Variants in GNG7 observed in about 807,000 individuals in gnomAD.
GNG7 encodes guanine nucleotide-binding protein G(I)/G(S)/G(O) subunit gamma-7.
GNG7 carries 1 observed loss-of-function variant against 4.0 expected under a neutral mutation model. That is an observed-to-expected ratio of 0.25 (90% CI 0.09 to 1.18). The LOEUF (loss-of-function observed/expected upper bound fraction) is 1.18. GNG7 is among the 50% of genes most tolerant of loss of function. GNG7 has a pLI of 0.50. For synonymous variants in GNG7, 34 were observed against 36.9 expected, an observed-to-expected ratio of 0.92 and a Z score of 0.29; for missense variants, 86 against 91.9, an observed-to-expected ratio of 0.94 and a Z score of 0.26.
intron 1 of GNG7, among the ~76,000 whole-genome samples, chr19:2,655,188 CAA>C (rs57555514): frequency 5.0e-5 from 3 of 59,932 alleles, no homozygotes; most frequent in Non-Finnish European, 7.6e-5. Context: ...GACTCTGTCT[CAA>C]AAAAAAAAAA....
chr19:2,524,141 C>T (rs1424208740), intron 3 of GNG7, among the ~76,000 whole-genome samples: 1 of 152,246 alleles, frequency 6.6e-6, no homozygotes, highest in Non-Finnish European at 1.5e-5. Flanking sequence ...ATTTAGCATC[C>T]ACAGTCAGGA....
chr19:2,523,808 C>T (rs1010383135), intron 3 of GNG7, among the ~76,000 whole-genome samples: 1 of 152,104 alleles, frequency 6.6e-6, no homozygotes, highest in African/African-American at 2.4e-5. Flanking sequence ...GACTCCACGG[C>T]GATCTCAATA....
intron 3 of GNG7, among the ~76,000 whole-genome samples, chr19:2,524,981 C>A (rs1978346541): frequency 6.6e-6 from 1 of 151,664 alleles, no homozygotes; most frequent in Non-Finnish European, 1.5e-5. Flanking sequence ...GATTGCATCA[C>A]CCATGCAGTC....
chr19:2,593,565 G>A (rs1328767433), intron 2 of GNG7, among the ~76,000 whole-genome samples: 3 of 151,856 alleles, frequency 2.0e-5, no homozygotes, highest in Non-Finnish European at 4.4e-5. Context: ...GCAACAAGGC[G>A]AAACCTCGTC....
At position 2,541,266 on chromosome 19, in the gene GNG7, T is replaced by C. The variant is rs903996779; in HGVS notation, c.-38+13883A>G. Among the ~76,000 whole-genome samples, 5 of 149,934 alleles carry C rather than the reference T, an allele frequency of 3.3e-5. No individual in the cohort carries two copies. The East Asian group carries it at 5.9e-4, about 18-fold the overall frequency. On this transcript the variant is annotated intron_variant, in intron 3 of 4. Transcript: ENST00000382159. The stretch of plus-strand genomic sequence containing the variant: ...CAGGAGAATTGCTTGAGGCCAGGAG[T>C]TCAAAGCCAGCCTGGGGCAACACAG...
chr19:2,670,948 G>A (rs1307455914), intron 1 of GNG7, among the ~76,000 whole-genome samples: 2 of 152,164 alleles, frequency 1.3e-5, no homozygotes. Flanking sequence ...TCCCCACCCT[G>A]AGTGGGGAGG....
intron 3 of GNG7, among the ~76,000 whole-genome samples, chr19:2,524,919 C>A (rs1363048118): frequency 6.6e-6 from 1 of 152,076 alleles, no homozygotes; most frequent in Non-Finnish European, 1.5e-5. Flanking sequence ...CGTGTGTGTG[C>A]GCACGGGAGT....
chr19:2,670,740 C>T (rs972145346), intron 1 of GNG7, among the ~76,000 whole-genome samples: 2 of 152,042 alleles, frequency 1.3e-5, no homozygotes, highest in African/African-American at 4.8e-5. Flanking sequence ...CACTCCATGC[C>T]AGGAGCCCTC....
intron 1 of GNG7, among the ~76,000 whole-genome samples, chr19:2,649,905 C>T (rs1021614445): frequency 8.6e-5 from 13 of 151,624 alleles, no homozygotes; most frequent in African/African-American, 3.1e-4. Flanking sequence ...CCCTCCCTGA[C>T]TCTGCGGATG....
At chr19:2,535,529 T>C (rs2144741109) in intron 3 of GNG7, among the ~76,000 whole-genome samples, 1 of 151,470 alleles carries the variant, frequency 6.6e-6, no homozygotes, top group East Asian at 1.9e-4. Flanking sequence ...TGAATTGTTG[T>C]CCCCAGAACC....
chr19:2,549,202 A>C (rs1979233140), intron 3 of GNG7, among the ~76,000 whole-genome samples: 1 of 152,160 alleles, frequency 6.6e-6, no homozygotes, highest in African/African-American at 2.4e-5. Context: ...AACGGCAAGA[A>C]GGCAAGTCCA....
intron 2 of GNG7, among the ~76,000 whole-genome samples, chr19:2,628,786 C>G (rs1269037463): frequency 1.3e-5 from 2 of 152,118 alleles, no homozygotes; most frequent in African/African-American, 4.8e-5. Flanking sequence ...CTGATGAGGT[C>G]AGGCCCACCC....
chr19:2,603,934 T>C (rs1421211866), intron 2 of GNG7, among the ~76,000 whole-genome samples: 1 of 151,930 alleles, frequency 6.6e-6, no homozygotes, highest in Non-Finnish European at 1.5e-5. Context: ...CACTGCAAGC[T>C]CTGCCTCCTG....
At chr19:2,573,846 AC>A (rs768391732) in intron 2 of GNG7, among the ~76,000 whole-genome samples, 5 of 152,132 alleles carry the variant, frequency 3.3e-5, no homozygotes, top group Non-Finnish European at 7.4e-5. Flanking sequence ...CCATCTTAAA[AC>A]AAAAACAAAC....
chr19:2,535,084 A>G (rs563904185), intron 3 of GNG7, among the ~76,000 whole-genome samples: 5 of 152,286 alleles, frequency 3.3e-5, no homozygotes, highest in Admixed American at 3.3e-4. Flanking sequence ...TCTTGGAGCC[A>G]GTCATTCAGC....
intron 3 of GNG7, among the ~76,000 whole-genome samples, chr19:2,544,707 T>TG (rs919754106): frequency 6.1e-4 from 92 of 152,006 alleles, no homozygotes; most frequent in African/African-American, 2.0e-3. Context: ...GGCTCTTAAT[T>TG]GGGGGGGTGG....
chr19:2,678,292 T>C (rs1383489944), intron 1 of GNG7, among the ~76,000 whole-genome samples: 1 of 151,980 alleles, frequency 6.6e-6, no homozygotes, highest in Admixed American at 6.6e-5. Context: ...ATACAAGAAG[T>C]GAAAGGTGAC....
intron 2 of GNG7, chr19:2,630,844 T>C (rs1481799703): frequency 1.3e-5 from 2 of 151,932 alleles, no homozygotes; most frequent in Non-Finnish European, 2.9e-5. Context: ...ACTGCATTCA[T>C]GGTAGTTGTT....
chr19:2,541,020 A>T (rs1309469100), intron 3 of GNG7, among the ~76,000 whole-genome samples: 2 of 152,254 alleles, frequency 1.3e-5, no homozygotes, highest in East Asian at 3.8e-4. Flanking sequence ...CGGCCTGCGT[A>T]AAAGGACAGG....
Sources: gnomAD v4.1 joint callset for allele counts (sites outside exome capture counted in the v4.1 genomes callset) on GRCh38, gnomAD v4.1.1 for gene constraint, MANE v1.5 for transcripts, NCBI Gene and HGNC (gene_info 2026-07-23, HGNC 2026-07-21) for gene names.